WDR86: variants seen among roughly 807,000 people sequenced by gnomAD.
WDR86 encodes WD repeat domain 86, also known as WD repeat-containing protein 86.
WDR86 carries 30 observed loss-of-function variants against 36.5 expected under a neutral mutation model. That is an observed-to-expected ratio of 0.82 (90% CI 0.61 to 1.11). The LOEUF is 1.11. WDR86 is among the 50% of genes most tolerant of loss of function. WDR86 has a pLI of 0.00. For missense variants in WDR86, 545 were observed against 561.2 expected, an observed-to-expected ratio of 0.97 and a Z score of 0.29; for synonymous variants, 255 against 252.9, an observed-to-expected ratio of 1.01 and a Z score of -0.08.
downstream of WDR86, chr7:151,378,549 TTTC>T (rs1479437028): frequency 1.3e-5 from 2 of 152,210 alleles, no homozygotes; most frequent in African/African-American, 2.4e-5. Context: ...AGGATGTCTG[TTTC>T]CACTGAGTTT....
rs945473752 is a variant in WDR86 at position 151,388,892 on chromosome 7, C to T, written c.727-3669G>A. Among the ~76,000 whole-genome samples the T allele has an allele frequency of 6.6e-6, 1 of 152,106 alleles. No individual in the cohort carries two copies. The highest frequency in any genetic ancestry group is 2.4e-5 in the African/African-American group (1 of 41,422). On this transcript the variant is annotated intron_variant, in intron 3 of 5. Transcript: ENST00000334493. This position sits in a 1 kb window ranked among gnomAD's most constrained non-coding sequence, Gnocchi z 4.2. ...TTAGGAAGTAAAGTGGTTATGAGGG[C>T]CCGCCTCATAAATGAGATGAGTTCC...
At position 151,402,070 on chromosome 7, in the gene WDR86, A is replaced by AAAATATAT; in HGVS notation, c.164-1830_164-1829insATATATTT. On this transcript the variant is annotated intron_variant, in intron 1 of 5. Transcript: ENST00000334493. ...CTCAAAAAAAAAAAAAAAAAAAAAA[A>AAAATATAT]ATATATATATATATATATATATCTC... 1.1e-3 allele frequency among the ~76,000 whole-genome samples: 57 copies of AAAATATAT among 50,514 alleles called. 3 individuals carry two copies. The East Asian group carries it at 0.012, about 10-fold the overall frequency. The allele number at this position is 50,514 out of a possible 152,430, so 33.1% of individuals were successfully genotyped here. A position where few individuals can be genotyped will look rare whatever the true frequency, so the allele number is the denominator to read the frequency against.
rs748112020 is a variant in WDR86 at position 151,394,517 on chromosome 7, G to A, written c.726+1259C>T. On this transcript the variant is annotated intron_variant, in intron 3 of 5. Coordinates refer to ENST00000334493, the MANE Select transcript of WDR86 (RefSeq NM_198285.3). The stretch of plus-strand genomic sequence containing the variant: ...ACCCCAACCGCTTGCCGCAGGGGTC[G>A]GACCTGCCCTGGAGCAGGGCAGAGG... 1.3e-4 allele frequency among the ~76,000 whole-genome samples: 20 copies of A among 152,308 alleles called. No homozygotes were observed. In the East Asian group the frequency reaches 1.7e-3, roughly 13 times the overall value.
downstream of WDR86, among the ~76,000 whole-genome samples, chr7:151,380,559 G>T (rs1798499393): frequency 6.6e-6 from 1 of 152,138 alleles, no homozygotes; most frequent in South Asian, 2.1e-4. Context: ...GATGCAGAAA[G>T]TGGCACCATC....
At chr7:151,394,931 A>T (rs913269637) in intron 3 of WDR86, among the ~76,000 whole-genome samples, 3 of 152,210 alleles carry the variant, frequency 2.0e-5, no homozygotes, top group Non-Finnish European at 2.9e-5. Context: ...TTTCGTGCCA[A>T]GCTTAAGAAA....
At chr7:151,402,070 A>AAAAAAAAAAAAATATATATAT in intron 1 of WDR86, among the ~76,000 whole-genome samples, 4 of 50,534 alleles carry the variant, frequency 7.9e-5, no homozygotes, top group African/African-American at 3.5e-4. Flanking sequence ...AAAAAAAAAA[A>AAAAAAAAAAAAATATATATAT]ATATATATAT....
chr7:151,372,168 C>A, downstream of WDR86, among the ~76,000 whole-genome samples: 1 of 152,220 alleles, frequency 6.6e-6, no homozygotes, highest in East Asian at 1.9e-4. Flanking sequence ...AGAGGCCATC[C>A]CAGCTTGTTG....
intron 2 of WDR86, among the ~76,000 whole-genome samples, chr7:151,399,211 A>G (rs1256702424): frequency 3.3e-5 from 5 of 152,160 alleles, no homozygotes; most frequent in African/African-American, 9.7e-5. Context: ...ACTATCGATT[A>G]TTATTCCTGG....
At chr7:151,404,482 GCC>G (rs1800567448) in intron 1 of WDR86, among the ~76,000 whole-genome samples, 1 of 151,994 alleles carries the variant, frequency 6.6e-6, no homozygotes, top group South Asian at 2.1e-4. Context: ...CACAAAACAG[GCC>G]TCCACTGACC....
rs1391808307 is a variant in WDR86, at chr7:151,388,387, AC to A, written c.727-3165del. Among the ~76,000 whole-genome samples, 1 of 152,254 alleles carries A rather than the reference AC, an allele frequency of 6.6e-6. No individual in the cohort carries two copies. ...GCAGAGACTCTATCTCTCCTCCTTC[AC>A]AAGGACCCCAGGTCAAGCCCAGAAC... On this transcript the variant is annotated intron_variant, in intron 3 of 5. Transcript: ENST00000334493. The surrounding 1 kb of genome is among the most constrained non-coding windows in gnomAD (Gnocchi z 4.2).
At chr7:151,392,113 C>T (rs1200715344) in intron 3 of WDR86, among the ~76,000 whole-genome samples, 1 of 152,178 alleles carries the variant, frequency 6.6e-6, no homozygotes, top group African/African-American at 2.4e-5. Flanking sequence ...CCAGCTGAGA[C>T]GCAACAGCCA....
Position 151,409,895 on chromosome 7 carries a change from C to A in WDR86, c.-306G>T. ...CCAGCACCGCTCGGAGGATCCACAC[C>A]CCACCGGGCGAACAAGGCAGCTGCG... On this transcript the variant is annotated 5_prime_UTR_variant, in exon 1 of 6. Coordinates refer to ENST00000334493, the MANE Select transcript of WDR86 (RefSeq NM_198285.3). The surrounding 1 kb of genome is among the most constrained non-coding windows in gnomAD (Gnocchi z 5.2). 8.8e-7 allele frequency: 1 copy of A among 1,138,316 alleles called. No individual in the cohort carries two copies. Among genetic ancestry groups the A allele is most frequent in the Non-Finnish European group, 1.1e-6 (1 of 928,532 alleles). 70.5% of individuals were successfully genotyped at this position (1,138,316 alleles called of 1,614,324 possible).
chr7:151,410,060 G>C, upstream of WDR86: 8 of 986,876 alleles, frequency 8.1e-6, no homozygotes, highest in Non-Finnish European at 9.6e-6. Flanking sequence ...CCTCCTCAGA[G>C]ACCACCCCTC....
intron 4 of WDR86, among the ~76,000 whole-genome samples, chr7:151,382,992 T>C (rs1055592419): frequency 6.6e-6 from 1 of 151,608 alleles, no homozygotes; most frequent in African/African-American, 2.4e-5. Flanking sequence ...TTTTTTTTTT[T>C]TTCTTACAGG....
chr7:151,375,775 G>T, downstream of WDR86: 1 of 997,204 alleles, frequency 1.0e-6, no homozygotes, highest in Non-Finnish European at 1.6e-6. Context: ...CTAGCACATG[G>T]CAGGGTGCAG....
Position 151,385,145 on chromosome 7 carries a change from GCACA to G in WDR86, c.801_804del (p.Val268AlafsTer10). The G allele has an allele frequency of 6.2e-7, 1 of 1,612,778 alleles. No individual in the cohort carries two copies. The highest frequency in any genetic ancestry group is 8.5e-7 in the Non-Finnish European group (1 of 1,179,856). On this transcript the variant is annotated frameshift_variant, in exon 4 of 6. Transcript: ENST00000334493. LOFTEE classifies it high-confidence loss of function. ...TTGCGTCTGTGGGCCGTGAACGTGC[GCACA>G]CACTCCCCTGTGTCTGCCAGCCAGC...
At chr7:151,375,197 C>T (rs1798159151), downstream of WDR86, among the ~76,000 whole-genome samples, 1 of 152,182 alleles carries the variant, frequency 6.6e-6, no homozygotes, top group South Asian at 2.1e-4. Context: ...TAACTATGTA[C>T]ATGTATATTT....
downstream of WDR86, chr7:151,377,469 C>A: frequency 3.2e-6 from 1 of 313,178 alleles, no homozygotes; most frequent in Non-Finnish European, 5.9e-6. Context: ...TCCCTAACCC[C>A]TTCCCCAGCT....
chr7:151,385,904 G>A (rs1171951228), intron 3 of WDR86, among the ~76,000 whole-genome samples: 1 of 152,156 alleles, frequency 6.6e-6, no homozygotes, highest in Non-Finnish European at 1.5e-5. Flanking sequence ...AAATAATTCT[G>A]TAAATTCCCC....
Sources: allele counts gnomAD v4.1 joint callset (sites outside exome capture counted in the v4.1 genomes callset), GRCh38; gene constraint gnomAD v4.1.1; non-coding constraint Gnocchi (gnomAD v3.1); transcripts MANE v1.5; gene names NCBI Gene and HGNC (gene_info 2026-07-23, HGNC 2026-07-21).